The following CDS2 variants were observed in gnomAD, a reference collection of about 807,000 sequenced individuals.
The protein encoded by CDS2 is CDP-diacylglycerol synthase 2, also known as phosphatidate cytidylyltransferase 2.
CDS2 carries 47 observed loss-of-function variants against 59.0 expected under a neutral mutation model. That is an observed-to-expected ratio of 0.80 (90% CI 0.63 to 1.02). The LOEUF (loss-of-function observed/expected upper bound fraction) is 1.02. Ranked by LOEUF, CDS2 falls within the 50% of genes least tolerant of loss-of-function variation. The probability of loss-of-function intolerance (pLI) is 0.00; values close to 1 mark genes in which losing one functional copy is unlikely to be tolerated. For missense variants in CDS2, 356 were observed against 558.9 expected, an observed-to-expected ratio of 0.64 and a Z score of 3.66; for synonymous variants, 207 against 206.4, an observed-to-expected ratio of 1.00 and a Z score of -0.02.
chr20:5,152,291 T>C (rs569941744), intron 1 of CDS2, among the ~76,000 whole-genome samples: 1 of 152,274 alleles, frequency 6.6e-6, no homozygotes, highest in African/African-American at 2.4e-5. Context: ...CACCCTTTTG[T>C]TTGATAACTT....
At chr20:5,171,055 G>T (rs1249856814) in intron 1 of CDS2, among the ~76,000 whole-genome samples, 2 of 152,340 alleles carry the variant, frequency 1.3e-5, no homozygotes, top group East Asian at 3.9e-4. Context: ...CGATATCTTT[G>T]TAACAGTTCT....
intron 1 of CDS2, among the ~76,000 whole-genome samples, chr20:5,164,999 C>T (rs901347390): frequency 2.0e-4 from 30 of 152,254 alleles, no homozygotes; most frequent in Admixed American, 1.4e-3. Context: ...CTTCAATGGG[C>T]AAGGTGGGAG....
chr20:5,177,074 A>G (rs1313324981), intron 4 of CDS2, among the ~76,000 whole-genome samples: 1 of 152,126 alleles, frequency 6.6e-6, no homozygotes, highest in Non-Finnish European at 1.5e-5. Flanking sequence ...CAGGAGTCTT[A>G]TAGTTACTTG....
At chr20:5,154,766 A>G (rs745982478) in intron 1 of CDS2, among the ~76,000 whole-genome samples, 72 of 151,892 alleles carry the variant, frequency 4.7e-4, no homozygotes, top group Non-Finnish European at 9.6e-4. Flanking sequence ...TCCCACCTCA[A>G]CCTCCCGAGT....
chr20:5,197,825 G>T lies in CDS2; in HGVS notation c.*7591G>T, dbSNP rs1419571580. The T allele has an allele frequency of 6.6e-6, 1 of 152,214 alleles. No homozygotes were observed. Among genetic ancestry groups the T allele is most frequent in the African/African-American group, 2.4e-5 (1 of 41,442 alleles). 9.4% of individuals were successfully genotyped at this position (152,214 alleles called of 1,614,324 possible). A position where few individuals can be genotyped will look rare whatever the true frequency, so the allele number is the denominator to read the frequency against. On this transcript the variant is annotated 3_prime_UTR_variant, in exon 13 of 13. Transcript: ENST00000460006. ...AACATGATATACTGTACGTTGGAAA[G>T]CATTTACCTTATTTATATACCTGAA... is the stretch of plus-strand genomic sequence containing the variant.
chr20:5,164,404 A>G (rs1300785773), intron 1 of CDS2, among the ~76,000 whole-genome samples: 1 of 152,080 alleles, frequency 6.6e-6, no homozygotes, highest in African/African-American at 2.4e-5. Flanking sequence ...CACTATTGTG[A>G]GGTGAGTGAC....
At chr20:5,158,362 G>C (rs1459540710) in intron 1 of CDS2, among the ~76,000 whole-genome samples, 1 of 151,952 alleles carries the variant, frequency 6.6e-6, no homozygotes, top group Non-Finnish European at 1.5e-5. Context: ...AGTACAGACG[G>C]GGTTTCACCA....
chr20:5,127,155 G>A lies in CDS2; in HGVS notation c.57+6G>A, dbSNP rs776770693. The A allele has an allele frequency of 3.4e-6, 5 of 1,489,292 alleles. No homozygotes were observed. Among genetic ancestry groups the A allele is most frequent in the South Asian group, 2.6e-5 (2 of 78,420 alleles). 92.3% of individuals were successfully genotyped at this position (1,489,292 alleles called of 1,614,324 possible). On this transcript the variant is annotated splice_donor_region_variant and intron_variant, in intron 1 of 12. Transcript: ENST00000460006. Reference sequence around the variant, plus strand: ...TTGCGCCACCCGAGGACAAGGTAGCGGCAGCGTCGGGGTGGGCGCGGCCGG... The same window carrying A: ...TTGCGCCACCCGAGGACAAGGTAGCAGCAGCGTCGGGGTGGGCGCGGCCGG...
intron 1 of CDS2, among the ~76,000 whole-genome samples, chr20:5,145,830 T>G (rs1400193497): frequency 7.3e-5 from 11 of 150,478 alleles, no homozygotes; most frequent in African/African-American, 2.7e-4. Context: ...GTGTTTTTTT[T>G]TTTTTTTTTT....
chr20:5,138,612 A>T (rs1209777562), intron 1 of CDS2, among the ~76,000 whole-genome samples: 3 of 151,616 alleles, frequency 2.0e-5, no homozygotes. Context: ...CAGCCTCCCA[A>T]GTAACTGGGA....
At chr20:5,189,032 T>G in intron 10 of CDS2, 35 bp from the exon 11 acceptor site, 1 of 1,613,588 alleles carries the variant, frequency 6.2e-7, no homozygotes, top group South Asian at 1.1e-5. Flanking sequence ...TGGGCATGTA[T>G]GCACCTAAAC....
chr20:5,151,602 AAAAT>A (rs1212464066), intron 1 of CDS2, among the ~76,000 whole-genome samples: 1 of 152,014 alleles, frequency 6.6e-6, no homozygotes, highest in Non-Finnish European at 1.5e-5. Flanking sequence ...TCTTAAAAAA[AAAAT>A]AAATAAAATT....
intron 3 of CDS2, among the ~76,000 whole-genome samples, chr20:5,175,831 C>T (rs572190979): frequency 1.3e-5 from 2 of 152,250 alleles, no homozygotes; most frequent in African/African-American, 4.8e-5. Context: ...TATTCCAACT[C>T]TGTAAACTTT....
At chr20:5,188,898 G>A (rs1422183310) in intron 10 of CDS2, among the ~76,000 whole-genome samples, 169 bp from the exon 11 acceptor site, 2 of 152,134 alleles carry the variant, frequency 1.3e-5, no homozygotes, top group African/African-American at 2.4e-5. Context: ...TAGGAGAAAG[G>A]CACCAAGCCA....
At position 5,148,737 on chromosome 20, in the gene CDS2, C is replaced by T. The variant is rs150605950; in HGVS notation, c.57+21588C>T. 7.2e-5 allele frequency among the ~76,000 whole-genome samples: 11 copies of T among 152,356 alleles called. No homozygotes were observed. The East Asian group carries it at 2.1e-3, about 29-fold the overall frequency. On this transcript the variant is annotated intron_variant, in intron 1 of 12. Transcript: ENST00000460006. ...GTTTGCACCGTGGTTGGGTCAATAT[C>T]TGTCCCCTCTTGTGATTTTGGGAGC...
At chr20:5,173,014 A>G (rs1240291804) in intron 1 of CDS2, among the ~76,000 whole-genome samples, 1 of 152,168 alleles carries the variant, frequency 6.6e-6, no homozygotes, top group Non-Finnish European at 1.5e-5. Context: ...TTCGTTGTCC[A>G]CACTGACTGT....
chr20:5,141,078 C>G (rs1035233315), intron 1 of CDS2, among the ~76,000 whole-genome samples: 1 of 152,240 alleles, frequency 6.6e-6, no homozygotes, highest in Admixed American at 6.5e-5. Flanking sequence ...TCCTCCTCCC[C>G]TTTCTCCTGC....
intron 1 of CDS2, among the ~76,000 whole-genome samples, chr20:5,148,797 A>G (rs2090765440): frequency 6.6e-6 from 1 of 152,112 alleles, no homozygotes; most frequent in African/African-American, 2.4e-5. Context: ...TCTCACAGGG[A>G]TGTCAGCCAA....
intron 1 of CDS2, among the ~76,000 whole-genome samples, chr20:5,149,150 G>A (rs757711445): frequency 6.6e-6 from 1 of 152,018 alleles, no homozygotes; most frequent in Admixed American, 6.6e-5. Context: ...ATTTCCATGA[G>A]TACTATTTGA....
Sources: allele counts gnomAD v4.1 joint callset (sites outside exome capture counted in the v4.1 genomes callset), GRCh38; gene constraint gnomAD v4.1.1; transcripts MANE v1.5; gene names NCBI Gene and HGNC (gene_info 2026-07-23, HGNC 2026-07-21).